Variants in CHCHD3 observed in about 807,000 individuals in gnomAD.
The protein encoded by CHCHD3 is coiled-coil-helix-coiled-coil-helix domain containing 3.
CHCHD3 carries 20 observed loss-of-function variants against 38.2 expected under a neutral mutation model. The ratio of observed to expected loss-of-function variants is 0.52; its 90% CI spans 0.37 to 0.76. CHCHD3 has a LOEUF of 0.76. Ranked by LOEUF, CHCHD3 falls within the 30% of genes least tolerant of loss-of-function variation. CHCHD3 has a pLI of 0.00. For missense variants in CHCHD3, 245 were observed against 279.2 expected, an observed-to-expected ratio of 0.88 and a Z score of 0.87; for synonymous variants, 82 against 100.0, an observed-to-expected ratio of 0.82 and a Z score of 1.07.
intron 6 of CHCHD3, among the ~76,000 whole-genome samples, chr7:132,818,219 C>A (rs1423430610): frequency 6.6e-6 from 1 of 152,206 alleles, no homozygotes; most frequent in Non-Finnish European, 1.5e-5. Flanking sequence ...TCTTGTACAG[C>A]CTGCCTGACA....
intron 4 of CHCHD3, among the ~76,000 whole-genome samples, chr7:132,959,560 T>C (rs1267840851): frequency 6.6e-6 from 1 of 151,728 alleles, no homozygotes; most frequent in Non-Finnish European, 1.5e-5. Flanking sequence ...CTGTCTCCGA[T>C]GAAAATACAA....
chr7:132,794,678 G>A (rs978845792), intron 7 of CHCHD3, among the ~76,000 whole-genome samples: 2 of 152,070 alleles, frequency 1.3e-5, no homozygotes, highest in African/African-American at 2.4e-5. Flanking sequence ...GAGTGAGGGG[G>A]AAAAAAGAGG....
At chr7:132,908,867 A>C (rs1024964478) in intron 4 of CHCHD3, among the ~76,000 whole-genome samples, 2 of 152,196 alleles carry the variant, frequency 1.3e-5, no homozygotes, top group African/African-American at 4.8e-5. Context: ...TCTCAAAATA[A>C]TGCTAGGTCT....
rs952885775 is a variant in CHCHD3, at chr7:132,975,216, G to A, written c.322C>T (p.Arg108Trp). Residue 108 changes from arginine to tryptophan, a missense_variant, in exon 4 of 8, where the codon CGG becomes TGG. Physicochemically the swap from Arg to Trp is moderately radical, Grantham distance 101. Coordinates refer to ENST00000262570, the MANE Select transcript of CHCHD3 (RefSeq NM_017812.4). ...ANEQLTRAILRERICSEEERA... is the reference protein window; with the variant it reads ...ANEQLTRAILWERICSEEERA... Reference sequence around the variant, plus strand: ...TCCTCCTCGCTACATATCCTCTCCCGAAGGATGGCTCTGGTTAACTGCTCA... The same window carrying A: ...TCCTCCTCGCTACATATCCTCTCCCAAAGGATGGCTCTGGTTAACTGCTCA... 20 of 1,612,424 alleles carry A rather than the reference G, an allele frequency of 1.2e-5. No individual in the cohort carries two copies. Among genetic ancestry groups the A allele is most frequent in the African/African-American group, 1.2e-4 (9 of 74,842 alleles).
chr7:132,954,055 C>T (rs1811099202), intron 4 of CHCHD3, among the ~76,000 whole-genome samples: 1 of 152,142 alleles, frequency 6.6e-6, no homozygotes, highest in Admixed American at 6.6e-5. Flanking sequence ...AAATGAAAGG[C>T]AAAGTTTAAA....
chr7:132,904,101 T>C (rs1372331407), intron 4 of CHCHD3, among the ~76,000 whole-genome samples: 1 of 151,484 alleles, frequency 6.6e-6, no homozygotes, highest in Non-Finnish European at 1.5e-5. Flanking sequence ...TACAAAAGAT[T>C]TAAAAAAAAA....
chr7:132,819,672 T>A lies in CHCHD3; in HGVS notation c.524+18727A>T, dbSNP rs17353685. 9.2e-3 allele frequency among the ~76,000 whole-genome samples: 1,402 copies of A among 152,270 alleles called. 12 individuals carry two copies. Among genetic ancestry groups the A allele is most frequent in the South Asian group, 0.021 (100 of 4,822 alleles). ...CATTGTCATAAGGGCTGGAGTGACA[T>A]AAACACACAGGGAACAATTAATTAA... On this transcript the variant is annotated intron_variant, in intron 6 of 7. Transcript: ENST00000262570.
intron 3 of CHCHD3, among the ~76,000 whole-genome samples, chr7:132,984,803 G>C (rs1447854231): frequency 7.0e-6 from 1 of 141,874 alleles, no homozygotes; most frequent in Non-Finnish European, 1.6e-5. Context: ...CTCCGTCTGG[G>C]AAGTGAGGAG....
intron 6 of CHCHD3, among the ~76,000 whole-genome samples, chr7:132,828,107 T>G (rs1807552505): frequency 6.6e-6 from 1 of 152,206 alleles, no homozygotes; most frequent in Non-Finnish European, 1.5e-5. Context: ...TGTAGATGTA[T>G]ATTTTCATTT....
chr7:133,056,097 A>C (rs1466785237), intron 2 of CHCHD3, among the ~76,000 whole-genome samples: 2 of 151,980 alleles, frequency 1.3e-5, no homozygotes, highest in African/African-American at 4.8e-5. Context: ...GCAGTGATCT[A>C]TGATCACACC....
intron 1 of CHCHD3, among the ~76,000 whole-genome samples, chr7:133,073,519 C>A (rs1006326541): frequency 4.6e-5 from 7 of 152,056 alleles, no homozygotes; most frequent in African/African-American, 1.7e-4. Flanking sequence ...TCACGTTTGC[C>A]GCATATCTCC....
chr7:132,849,685 G>A (rs1376364667), intron 5 of CHCHD3: 1 of 152,220 alleles, frequency 6.6e-6, no homozygotes, highest in Admixed American at 6.5e-5. Context: ...TGCTGCCAGT[G>A]AGGCTGAGCT....
In CHCHD3 at chr7:133,035,788, G is replaced by A. The variant is rs774055008; in HGVS notation, c.170-11161C>T. On this transcript the variant is annotated intron_variant, in intron 2 of 7. Transcript: ENST00000262570. This position sits in a 1 kb window ranked among gnomAD's most constrained non-coding sequence, Gnocchi z 4.7. ...AATTTGCGAAGAAATTCAGAGGTGC[G>A]GTTGGTTTGGCCAAAATGGAAGTGG... 62 of 1,613,138 alleles carry A rather than the reference G, an allele frequency of 3.8e-5. No homozygotes were observed. Among genetic ancestry groups the A allele is most frequent in the Non-Finnish European group, 3.3e-5 (39 of 1,179,192 alleles).
intron 3 of CHCHD3, among the ~76,000 whole-genome samples, chr7:132,990,951 T>TACATACACACACACACACAC (rs1554398387): frequency 7.0e-6 from 1 of 143,692 alleles, no homozygotes; most frequent in African/African-American, 2.7e-5. Context: ...CAGACACACA[T>TACATACACACACACACACAC]ACACACACAC....
Position 133,078,103 on chromosome 7 carries a change from T to C in CHCHD3, c.81+3754A>G, listed in dbSNP as rs947732624. On this transcript the variant is annotated intron_variant, in intron 1 of 7. Coordinates refer to ENST00000262570, the MANE Select transcript of CHCHD3 (RefSeq NM_017812.4). Reference sequence around the variant, plus strand: ...TGGGTAGATCACTTGAGGTCAGGAGTTTGAGACCAGCCTGGCCAACATGGT... The same window carrying C: ...TGGGTAGATCACTTGAGGTCAGGAGCTTGAGACCAGCCTGGCCAACATGGT... 4.6e-5 allele frequency among the ~76,000 whole-genome samples: 7 copies of C among 151,188 alleles called. No homozygotes were observed. The South Asian group carries it at 8.4e-4, about 18-fold the overall frequency.
chr7:132,825,795 G>C (rs1426284624), intron 6 of CHCHD3, among the ~76,000 whole-genome samples: 2 of 152,196 alleles, frequency 1.3e-5, no homozygotes, highest in Admixed American at 6.5e-5. Context: ...GTGAGGCATT[G>C]ACCTCCTGCC....
At chr7:132,831,544 G>A (rs919221755) in intron 6 of CHCHD3, among the ~76,000 whole-genome samples, 16 of 152,148 alleles carry the variant, frequency 1.1e-4, no homozygotes, top group Non-Finnish European at 2.4e-4. Flanking sequence ...CAATAAGGGA[G>A]CTGGAGTCAC....
At chr7:132,820,745 A>T (rs184742746) in intron 6 of CHCHD3, among the ~76,000 whole-genome samples, 417 of 151,900 alleles carry the variant, frequency 2.7e-3, no homozygotes, top group African/African-American at 4.8e-3. Context: ...TGGAAAAAAA[A>T]ATATATATAT....
intron 3 of CHCHD3, among the ~76,000 whole-genome samples, chr7:132,983,744 A>G (rs1811982543): frequency 6.6e-6 from 1 of 151,708 alleles, no homozygotes; most frequent in Non-Finnish European, 1.5e-5. Context: ...ACATTAGAGG[A>G]AAAAAAAGTT....
Sources: gnomAD v4.1 joint callset for allele counts (sites outside exome capture counted in the v4.1 genomes callset) on GRCh38, gnomAD v4.1.1 for gene constraint, Gnocchi (gnomAD v3.1) non-coding constraint, MANE v1.5 for transcripts, NCBI Gene and HGNC (gene_info 2026-07-23, HGNC 2026-07-21) for gene names.